The following SPOCK3 variants were observed in gnomAD, a reference collection of about 807,000 sequenced individuals.
SPOCK3 encodes the protein SPARC (osteonectin), cwcv and kazal like domains proteoglycan 3.
SPOCK3 carries 30 observed loss-of-function variants against 56.6 expected under a neutral mutation model. The observed-to-expected ratio is 0.53, with a 90% CI of 0.40 to 0.72. SPOCK3 has a LOEUF of 0.72. Among genes scored for constraint, SPOCK3 ranks in the 30% least tolerant of loss-of-function variants. The probability of loss-of-function intolerance (pLI) is 0.00; values close to 1 mark genes in which losing one functional copy is unlikely to be tolerated. For synonymous variants in SPOCK3, 196 were observed against 183.3 expected, an observed-to-expected ratio of 1.07 and a Z score of -0.56; for missense variants, 527 against 530.0, an observed-to-expected ratio of 0.99 and a Z score of 0.06.
intron 8 of SPOCK3, among the ~76,000 whole-genome samples, chr4:166,749,702 T>TA (rs1736126399): frequency 6.6e-6 from 1 of 152,114 alleles, no homozygotes; most frequent in South Asian, 2.1e-4. Flanking sequence ...AAATCTTGTA[T>TA]AATTAGTATA....
chr4:166,962,910 C>G (rs78076632), intron 4 of SPOCK3, among the ~76,000 whole-genome samples: 3,733 of 152,128 alleles, frequency 0.025, 165 homozygotes, highest in African/African-American at 0.085. Context: ...ATGAGAATGT[C>G]AACATGCAAA....
At chr4:167,233,934 C>T in intron 2 of SPOCK3, 51 bp downstream of exon 2, 1 of 1,549,666 alleles carries the variant, frequency 6.5e-7, no homozygotes, top group Non-Finnish European at 8.9e-7. Context: ...GCGGCCCCCG[C>T]CTCGGAGCAG....
At chr4:167,038,495 G>A (rs17052925) in intron 3 of SPOCK3, among the ~76,000 whole-genome samples, 1 of 151,728 alleles carries the variant, frequency 6.6e-6, no homozygotes, top group Non-Finnish European at 1.5e-5. Flanking sequence ...CACTCCACAC[G>A]TCCCAGAATC....
intron 2 of SPOCK3, among the ~76,000 whole-genome samples, chr4:167,144,754 C>T (rs1763801851): frequency 7.7e-6 from 1 of 129,914 alleles, no homozygotes. Flanking sequence ...GAAAAGGAAA[C>T]ACAAGTGCAA....
intron 2 of SPOCK3, among the ~76,000 whole-genome samples, chr4:167,121,948 C>G (rs952511133): frequency 1.2e-4 from 18 of 152,022 alleles, no homozygotes; most frequent in African/African-American, 4.3e-4. Flanking sequence ...TGTCAGATAA[C>G]TGCAAAGAAA....
intron 2 of SPOCK3, among the ~76,000 whole-genome samples, chr4:167,199,230 TG>T (rs567240670): frequency 0.012 from 1,352 of 110,120 alleles, 15 homozygotes; most frequent in Non-Finnish European, 0.016. Context: ...TTTGTTTGTG[TG>T]TGTGTGTGTG....
intron 6 of SPOCK3, among the ~76,000 whole-genome samples, chr4:166,800,522 T>C (rs1055495215): frequency 2.0e-5 from 3 of 152,084 alleles, no homozygotes; most frequent in Admixed American, 6.5e-5. Context: ...ACAGTGATAT[T>C]GATGATCCTG....
At chr4:166,762,354 A>G (rs1737352016) in intron 7 of SPOCK3, among the ~76,000 whole-genome samples, 1 of 152,164 alleles carries the variant, frequency 6.6e-6, no homozygotes, top group Non-Finnish European at 1.5e-5. Context: ...TTACATGAAT[A>G]AAGCAATGTT....
intron 3 of SPOCK3, among the ~76,000 whole-genome samples, chr4:167,014,276 GTTT>G (rs35966501): frequency 7.2e-6 from 1 of 138,916 alleles, no homozygotes; most frequent in African/African-American, 2.6e-5. Flanking sequence ...TCTTGAGTGG[GTTT>G]TTTTTTTTTT....
intron 3 of SPOCK3, among the ~76,000 whole-genome samples, chr4:167,007,999 G>C (rs1475317390): frequency 6.6e-6 from 1 of 152,040 alleles, no homozygotes; most frequent in Non-Finnish European, 1.5e-5. Flanking sequence ...AAAGGAAAAA[G>C]AATAAAAGGT....
Position 167,016,726 on chromosome 4 carries a change from G to C in SPOCK3, c.236-16263C>G, listed in dbSNP as rs1580004754. ...AGGCTAATTTTTTGTATTTTTGCTA[G>C]AGATAGGGTTTCACCATATTGGCAA... On this transcript the variant is annotated intron_variant, in intron 3 of 10. Coordinates refer to ENST00000357545, the MANE Select transcript of SPOCK3 (RefSeq NM_001040159.2). Among the ~76,000 whole-genome samples, 3 of 151,914 alleles carry C rather than the reference G, an allele frequency of 2.0e-5. No homozygotes were observed. The South Asian group carries it at 6.2e-4, about 31-fold the overall frequency.
chr4:167,144,656 T>C (rs1763791413), intron 2 of SPOCK3, among the ~76,000 whole-genome samples: 1 of 151,346 alleles, frequency 6.6e-6, no homozygotes, highest in Admixed American at 6.6e-5. Context: ...AAGTGGAAGC[T>C]TGTGATTTTA....
intron 5 of SPOCK3, among the ~76,000 whole-genome samples, chr4:166,895,495 C>T (rs1465215410): frequency 6.6e-6 from 1 of 151,378 alleles, no homozygotes; most frequent in African/African-American, 2.4e-5. Flanking sequence ...TTAAGTTTAG[C>T]TAACAAAGAA....
chr4:166,912,999 G>A (rs1377142590), intron 4 of SPOCK3, among the ~76,000 whole-genome samples: 1 of 152,102 alleles, frequency 6.6e-6, no homozygotes, highest in Non-Finnish European at 1.5e-5. Context: ...AATGATAGCT[G>A]TATTTCTTCA....
intron 2 of SPOCK3, among the ~76,000 whole-genome samples, chr4:167,144,538 C>T (rs1242882175): frequency 1.3e-5 from 2 of 151,688 alleles, no homozygotes; most frequent in Non-Finnish European, 2.9e-5. Flanking sequence ...ACAAGCACTC[C>T]ATAAAATATA....
At chr4:166,889,095 G>T in intron 6 of SPOCK3, 35 bp downstream of exon 6, 1 of 1,268,464 alleles carries the variant, frequency 7.9e-7, no homozygotes, top group African/African-American at 1.5e-5. Flanking sequence ...AGAGAGTGAT[G>T]AATGTAAAAT....
intron 6 of SPOCK3, among the ~76,000 whole-genome samples, chr4:166,886,043 CT>C (rs1011338204): frequency 1.2e-4 from 18 of 152,072 alleles, no homozygotes; most frequent in African/African-American, 4.3e-4. Flanking sequence ...TTTCAATGTT[CT>C]TTTTCAATGA....
At position 166,772,292 on chromosome 4, in the gene SPOCK3, C is replaced by T. The variant is rs193263380; in HGVS notation, c.710-17563G>A. Among the ~76,000 whole-genome samples, 1,244 of 152,112 alleles carry T rather than the reference C, an allele frequency of 8.2e-3. 9 individuals carry two copies. The highest frequency in any genetic ancestry group is 0.014 in the Non-Finnish European group (953 of 67,946). On this transcript the variant is annotated intron_variant, in intron 7 of 10. Transcript: ENST00000357545. ...AAATATATGTTTAAAGTATGCAATG[C>T]TATCTGCTGTATTTCCAAAAATGCC...
intron 6 of SPOCK3, among the ~76,000 whole-genome samples, chr4:166,801,393 C>A (rs189135552): frequency 1.8e-4 from 27 of 152,130 alleles, no homozygotes; most frequent in Admixed American, 1.8e-3. Flanking sequence ...CAACACATGA[C>A]CGTATATGGT....
Sources: gnomAD v4.1 joint callset for allele counts (sites outside exome capture counted in the v4.1 genomes callset) on GRCh38, gnomAD v4.1.1 for gene constraint, MANE v1.5 for transcripts, NCBI Gene and HGNC (gene_info 2026-07-23, HGNC 2026-07-21) for gene names.